The following LYPD6B variants were observed in gnomAD, a reference collection of about 807,000 sequenced individuals.
The protein encoded by LYPD6B is LY6/PLAUR domain containing 6B, also known as ly6/PLAUR domain-containing protein 6B.
A neutral mutation model predicts 22.8 loss-of-function variants in LYPD6B; 17 were observed. The ratio of observed to expected loss-of-function variants is 0.75; its 90% CI spans 0.51 to 1.12. The LOEUF is 1.12. Ranked by LOEUF, LYPD6B falls within the 50% of genes most tolerant of loss-of-function variation. LYPD6B has a pLI of 0.00. For synonymous variants in LYPD6B, 106 were observed against 91.6 expected (o/e 1.16, Z -0.90); for missense variants, 221 against 258.3 (o/e 0.86, Z 0.99).
intron 1 of LYPD6B, among the ~76,000 whole-genome samples, chr2:149,088,759 G>A (rs1459344109): frequency 1.3e-5 from 2 of 152,134 alleles, no homozygotes; most frequent in African/African-American, 2.4e-5. Flanking sequence ...TAAACAAAAC[G>A]TTGTGGCATT....
chr2:149,071,831 A>G (rs556548827), intron 1 of LYPD6B, among the ~76,000 whole-genome samples: 1 of 152,338 alleles, frequency 6.6e-6, no homozygotes, highest in South Asian at 2.1e-4. Flanking sequence ...TCCAGATTTT[A>G]AAGATTGGGA....
chr2:149,149,236 A>G (rs1689216939), intron 2 of LYPD6B, among the ~76,000 whole-genome samples: 1 of 152,220 alleles, frequency 6.6e-6, no homozygotes. Context: ...AAAGAACTTG[A>G]ACATTTATGT....
At chr2:149,170,511 G>C (rs750798978) in intron 3 of LYPD6B, among the ~76,000 whole-genome samples, 1 of 152,150 alleles carries the variant, frequency 6.6e-6, no homozygotes, top group Non-Finnish European at 1.5e-5. Flanking sequence ...GATTAAATTT[G>C]GATGTATGGG....
At chr2:149,206,886 C>T (rs1693538921) in intron 4 of LYPD6B, among the ~76,000 whole-genome samples, 1 of 151,974 alleles carries the variant, frequency 6.6e-6, no homozygotes, top group South Asian at 2.1e-4. Flanking sequence ...AATCATAAGG[C>T]TGGTCTGTAG....
rs144131876 is a variant in LYPD6B, at chr2:149,214,301, G to A, written c.460-245G>A. Among the ~76,000 whole-genome samples the A allele has an allele frequency of 4.6e-3, 696 of 152,120 alleles. 5 individuals carry two copies. The highest frequency in any genetic ancestry group is 0.013 in the African/African-American group (538 of 41,484). ...TTCTCTTCCTCTTTGCCTTGCTAAT[G>A]CTTGGATTTGATGCAGATAAATCAC... On this transcript the variant is annotated intron_variant, in intron 6 of 6. Transcript: ENST00000409642.
chr2:149,164,145 T>G (rs531959212), intron 3 of LYPD6B, among the ~76,000 whole-genome samples: 6 of 152,106 alleles, frequency 3.9e-5, no homozygotes, highest in Non-Finnish European at 8.8e-5. Flanking sequence ...CTCCTCTGGT[T>G]GATGAAACTT....
chr2:149,154,138 A>C (rs1689549237), intron 2 of LYPD6B: 2 of 487,064 alleles, frequency 4.1e-6, no homozygotes, highest in African/African-American at 2.1e-5. Flanking sequence ...CCCCCAAAAA[A>C]ATCCAAGTTC....
intron 1 of LYPD6B, among the ~76,000 whole-genome samples, chr2:149,075,223 C>A (rs1684827840): frequency 6.6e-6 from 1 of 152,156 alleles, no homozygotes; most frequent in Non-Finnish European, 1.5e-5. Flanking sequence ...ATAAACTGTT[C>A]TCAAATCTTT....
intron 1 of LYPD6B, among the ~76,000 whole-genome samples, chr2:149,113,545 C>T (rs540696257): frequency 9.9e-5 from 15 of 152,146 alleles, no homozygotes; most frequent in African/African-American, 3.6e-4. Flanking sequence ...TTCATATATA[C>T]CAGGGGGAAC....
chr2:149,172,542 CAT>C (rs1176072310), intron 3 of LYPD6B, among the ~76,000 whole-genome samples: 4 of 152,062 alleles, frequency 2.6e-5, no homozygotes, highest in African/African-American at 7.2e-5. Flanking sequence ...ACAACCAGGA[CAT>C]CTGTTCTGTG....
rs190144089 is a variant in LYPD6B, at chr2:149,083,156, C to T, written c.-67+44355C>T. On this transcript the variant is annotated intron_variant, in intron 1 of 6. Coordinates refer to ENST00000409642, the MANE Select transcript of LYPD6B (RefSeq NM_177964.5). Reference sequence around the variant, plus strand: ...CAGAGCAGTTTCTAAAAAAGGAAAGCGCTTCATGCATACCATGGCCGTGTG... The same window carrying T: ...CAGAGCAGTTTCTAAAAAAGGAAAGTGCTTCATGCATACCATGGCCGTGTG... Among the ~76,000 whole-genome samples the T allele has an allele frequency of 2.0e-4, 31 of 152,296 alleles. No homozygotes were observed. In the East Asian group the frequency reaches 5.8e-3, roughly 28 times the overall value.
chr2:149,052,223 G>A (rs1200602468), intron 1 of LYPD6B, among the ~76,000 whole-genome samples: 1 of 151,288 alleles, frequency 6.6e-6, no homozygotes, highest in Non-Finnish European at 1.5e-5. Context: ...CACCCAGCTA[G>A]TTTTTGTATT....
intron 1 of LYPD6B, among the ~76,000 whole-genome samples, chr2:149,053,224 G>A (rs1387596764): frequency 6.6e-6 from 1 of 151,976 alleles, no homozygotes; most frequent in Non-Finnish European, 1.5e-5. Context: ...AAACAAAATA[G>A]GATCATACTG....
chr2:149,040,360 G>A (rs1002859683), intron 1 of LYPD6B, among the ~76,000 whole-genome samples: 1 of 151,990 alleles, frequency 6.6e-6, no homozygotes, highest in African/African-American at 2.4e-5. Context: ...CAAGTAGCTG[G>A]AGTTACAGGC....
intron 5 of LYPD6B, among the ~76,000 whole-genome samples, chr2:149,212,582 G>T (rs1176200075): frequency 2.0e-5 from 3 of 151,958 alleles, no homozygotes; most frequent in African/African-American, 7.3e-5. Context: ...TGAAACAACT[G>T]TTCTGACCCA....
At chr2:149,120,606 A>G (rs1208130757) in intron 1 of LYPD6B, among the ~76,000 whole-genome samples, 2 of 149,016 alleles carry the variant, frequency 1.3e-5, no homozygotes, top group Non-Finnish European at 3.0e-5. Flanking sequence ...GATGGTCTCT[A>G]TCTCCTGACC....
At chr2:149,189,342 T>TTTTATATATATATATATATA (rs1553500263) in intron 3 of LYPD6B, among the ~76,000 whole-genome samples, 1 of 66,114 alleles carries the variant, frequency 1.5e-5, no homozygotes, top group Non-Finnish European at 2.9e-5. Flanking sequence ...TTGTCCAAAA[T>TTTTATATATATATATATATA]TATATATATA....
At chr2:149,194,826 G>T (rs997908376) in intron 3 of LYPD6B, among the ~76,000 whole-genome samples, 7 of 152,206 alleles carry the variant, frequency 4.6e-5, no homozygotes, top group African/African-American at 1.7e-4. Context: ...GAGAAGCAAA[G>T]AGGGAAGCCA....
chr2:149,111,894 C>A (rs1686775279), intron 1 of LYPD6B, among the ~76,000 whole-genome samples: 1 of 152,042 alleles, frequency 6.6e-6, no homozygotes, highest in Non-Finnish European at 1.5e-5. Flanking sequence ...ACAGTGATAT[C>A]CTAGGAGCCA....
Sources: gnomAD v4.1 joint callset for allele counts (sites outside exome capture counted in the v4.1 genomes callset) on GRCh38, gnomAD v4.1.1 for gene constraint, MANE v1.5 for transcripts, NCBI Gene and HGNC (gene_info 2026-07-23, HGNC 2026-07-21) for gene names.